The following ZNF423 variants were observed in gnomAD, a reference collection of about 807,000 sequenced individuals.
ZNF423 encodes the protein Ebf-associated zinc finger protein.
A neutral mutation model predicts 95.8 loss-of-function variants in ZNF423; 12 were observed. The ratio of observed to expected loss-of-function variants is 0.13; its 90% confidence interval spans 0.08 to 0.20. ZNF423 has a LOEUF of 0.20. Ranked by LOEUF, ZNF423 falls within the 10% of genes least tolerant of loss-of-function variation. The probability of loss-of-function intolerance (pLI) is 1.00; values close to 1 mark genes in which losing one functional copy is unlikely to be tolerated. For synonymous variants in ZNF423, 749 were observed against 711.9 expected, an observed-to-expected ratio of 1.05 and a Z score of -0.83; for missense variants, 1,316 against 1,737.1, an observed-to-expected ratio of 0.76 and a Z score of 4.31.
At chr16:49,580,026 T>C (rs561814122) in intron 5 of ZNF423, among the ~76,000 whole-genome samples, 1 of 152,334 alleles carries the variant, frequency 6.6e-6, no homozygotes, top group East Asian at 1.9e-4. Flanking sequence ...CACGGGACCC[T>C]GAGCTTCCAC....
chr16:49,505,440 G>A (rs1298464454), intron 7 of ZNF423, among the ~76,000 whole-genome samples: 1 of 152,180 alleles, frequency 6.6e-6, no homozygotes, highest in Non-Finnish European at 1.5e-5. Context: ...TACAGACTAA[G>A]AACTGTTCTG....
chr16:49,734,600 A>G (rs1220092025), intron 2 of ZNF423, among the ~76,000 whole-genome samples: 2 of 152,210 alleles, frequency 1.3e-5, no homozygotes, highest in Non-Finnish European at 2.9e-5. Flanking sequence ...GGCTGTCTGC[A>G]GCAGCATGAA....
rs879056906 is a variant in ZNF423 at position 49,855,517 on chromosome 16, G to GCCGCCGCCGCCGCCGCCT, written c.40+217_40+218insAGGCGGCGGCGGCGGCGG. Reference sequence around the variant, plus strand: ...GTGTCCGCGGCGTACCCCCTCCGCCGCCGCCGCCGCCGCCGCCGCCTCCGC... The same window carrying GCCGCCGCCGCCGCCGCCT: ...GTGTCCGCGGCGTACCCCCTCCGCCGCCGCCGCCGCCGCCGCCTCCGCCGCCGCCGCCGCCGCCTCCGC... On this transcript the variant is annotated intron_variant, in intron 1 of 7. Coordinates refer to ENST00000563137, the MANE Select transcript of ZNF423 (RefSeq NM_001379286.1). The surrounding 1 kb of genome is among the most constrained non-coding windows in gnomAD (Gnocchi z 4.7). Among the ~76,000 whole-genome samples, 2 of 98,178 alleles carry GCCGCCGCCGCCGCCGCCT rather than the reference G, an allele frequency of 2.0e-5. No individual in the cohort carries two copies. Among genetic ancestry groups the GCCGCCGCCGCCGCCGCCT allele is most frequent in the Non-Finnish European group, 5.5e-5 (2 of 36,650 alleles). 64.4% of individuals were successfully genotyped at this position (98,178 alleles called of 152,430 possible). A position where few individuals can be genotyped will look rare whatever the true frequency, so the allele number is the denominator to read the frequency against.
intron 3 of ZNF423, among the ~76,000 whole-genome samples, chr16:49,654,162 G>A (rs1375677658): frequency 6.6e-6 from 1 of 152,180 alleles, no homozygotes; most frequent in Non-Finnish European, 1.5e-5. Context: ...AAGCCATCAA[G>A]ACCACCCACT....
At chr16:49,839,857 C>T (rs1367084738) in intron 1 of ZNF423, among the ~76,000 whole-genome samples, 1 of 152,222 alleles carries the variant, frequency 6.6e-6, no homozygotes, top group Non-Finnish European at 1.5e-5. Flanking sequence ...CCCCAGCTCC[C>T]CTCATGAAGC....
chr16:49,781,349 G>A (rs2034208923), intron 2 of ZNF423, among the ~76,000 whole-genome samples: 1 of 152,240 alleles, frequency 6.6e-6, no homozygotes, highest in East Asian at 1.9e-4. Context: ...TCCACTCAAG[G>A]GCTCCAGCAC....
At chr16:49,572,112 G>A (rs183488804) in intron 5 of ZNF423, among the ~76,000 whole-genome samples, 40 of 152,264 alleles carry the variant, frequency 2.6e-4, no homozygotes, top group Admixed American at 2.0e-3. Context: ...CTGAACTGCC[G>A]GGTTCAGAAA....
intron 7 of ZNF423, among the ~76,000 whole-genome samples, chr16:49,495,753 G>A (rs1036941329): frequency 5.3e-5 from 8 of 152,136 alleles, no homozygotes; most frequent in Admixed American, 6.5e-5. Context: ...GGTTTTGCGC[G>A]CCCCAGGAGG....
At chr16:49,615,130 T>A (rs57479812) in intron 5 of ZNF423, among the ~76,000 whole-genome samples, 33,034 of 140,954 alleles carry the variant, frequency 0.23, 4,516 homozygotes, top group African/African-American at 0.38. Context: ...AAACTCCATC[T>A]CACACACACA....
chr16:49,838,845 G>A (rs2035150874), intron 1 of ZNF423, among the ~76,000 whole-genome samples: 1 of 151,580 alleles, frequency 6.6e-6, no homozygotes, highest in Non-Finnish European at 1.5e-5. Flanking sequence ...TGACTGCGCC[G>A]CAGCCATGGA....
intron 1 of ZNF423, chr16:49,822,659 C>T: frequency 6.2e-7 from 1 of 1,609,080 alleles, no homozygotes; most frequent in Non-Finnish European, 8.5e-7. Context: ...CCCAAGGCCT[C>T]CCCTGCTCAC....
In ZNF423 at chr16:49,636,595, C is replaced by T. The variant is rs763647664; in HGVS notation, c.2581G>A (p.Ala861Thr). Reference sequence around the variant, plus strand: ...ATGCCCTGCAGGTCAGCAGGCTCAGCTTTCTTGGTGGCCATTGGGGGTACC... The same window carrying T: ...ATGCCCTGCAGGTCAGCAGGCTCAGTTTTCTTGGTGGCCATTGGGGGTACC... The part of the protein sequence containing the change: ...NGVPPMATKK[A>T]EPADLQGMLL... The change falls in exon 4 of 8, where the codon GCT becomes ACT. Residue 861 changes from alanine to threonine, a missense_variant. Transcript: ENST00000563137. The surrounding 1 kb of genome is among the most constrained non-coding windows in gnomAD (Gnocchi z 8.6). The T allele has an allele frequency of 3.7e-6, 6 of 1,613,862 alleles. No homozygotes were observed. The South Asian group carries it at 5.5e-5, about 15-fold the overall frequency.
intron 3 of ZNF423, among the ~76,000 whole-genome samples, chr16:49,700,270 C>T (rs912907328): frequency 6.6e-6 from 1 of 151,590 alleles, no homozygotes; most frequent in African/African-American, 2.4e-5. Context: ...TGCACTCCAA[C>T]CCCAAGCTAC....
intron 1 of ZNF423, among the ~76,000 whole-genome samples, chr16:49,835,549 C>T (rs1219293018): frequency 6.6e-6 from 1 of 152,250 alleles, no homozygotes; most frequent in Non-Finnish European, 1.5e-5. Context: ...GGCCCACAGT[C>T]TGCTCCGGGG....
chr16:49,686,380 G>A (rs1161990402), intron 3 of ZNF423, among the ~76,000 whole-genome samples: 13 of 152,142 alleles, frequency 8.5e-5, no homozygotes, highest in African/African-American at 3.1e-4. Flanking sequence ...CCATGCTGGG[G>A]CAGGAGGGGA....
chr16:49,694,550 G>A lies in ZNF423; in HGVS notation c.301+36221C>T, dbSNP rs78302572. On this transcript the variant is annotated intron_variant, in intron 3 of 7. Transcript: ENST00000563137. ...GCAGGGATTGGAAATCATGCCCCCC[G>A]CCCCTGTGCTCAGCTGCCTTCAGGG... is the stretch of plus-strand genomic sequence containing the variant. Among the ~76,000 whole-genome samples the A allele has an allele frequency of 2.3e-3, 355 of 152,248 alleles. 8 individuals are homozygous for A. In the East Asian group the frequency reaches 0.061, roughly 26 times the overall value.
chr16:49,585,217 C>A (rs1336996928), intron 5 of ZNF423, among the ~76,000 whole-genome samples: 1 of 152,184 alleles, frequency 6.6e-6, no homozygotes, highest in African/African-American at 2.4e-5. Context: ...GAAGACCTTG[C>A]AGAAGGAAAA....
At chr16:49,804,092 C>T (rs894986402) in intron 1 of ZNF423, among the ~76,000 whole-genome samples, 1 of 152,008 alleles carries the variant, frequency 6.6e-6, no homozygotes, top group African/African-American at 2.4e-5. Context: ...CCCGCCACTA[C>T]GCCCAGCTAA....
rs1463046721 is a variant in ZNF423, at chr16:49,635,185, T to C, written c.3516+475A>G. 6.6e-6 allele frequency among the ~76,000 whole-genome samples: 1 copy of C among 152,132 alleles called. No individual in the cohort carries two copies. The highest frequency in any genetic ancestry group is 1.5e-5 in the Non-Finnish European group (1 of 68,024). ...GCCCCTTGTGTGTGTGTGATCTCTA[T>C]GAACTGTCAAAAGAATCCTGGATCT... On this transcript the variant is annotated intron_variant, in intron 4 of 7. Coordinates refer to ENST00000563137, the MANE Select transcript of ZNF423 (RefSeq NM_001379286.1). The surrounding 1 kb of genome is among the most constrained non-coding windows in gnomAD (Gnocchi z 4.8).
Sources: gnomAD v4.1 joint callset for allele counts (sites outside exome capture counted in the v4.1 genomes callset) on GRCh38, gnomAD v4.1.1 for gene constraint, Gnocchi (gnomAD v3.1) non-coding constraint, MANE v1.5 for transcripts, NCBI Gene and HGNC (gene_info 2026-07-23, HGNC 2026-07-21) for gene names.